The following TRIM67 variants were observed in gnomAD, a reference collection of about 807,000 sequenced individuals.
TRIM67 encodes tripartite motif containing 67.
In TRIM67, 39 loss-of-function variants were observed where a neutral mutation model predicts 71.0. That is an observed-to-expected ratio of 0.55 (90% CI 0.43 to 0.72). The LOEUF is 0.72. Among genes scored for constraint, TRIM67 ranks in the 30% least tolerant of loss-of-function variants. TRIM67 has a pLI of 0.00. For missense variants in TRIM67, 973 were observed against 1,079.2 expected (o/e 0.90, Z 1.38); for synonymous variants, 481 against 473.9 (o/e 1.01, Z -0.19).
intron 1 of TRIM67, among the ~76,000 whole-genome samples, chr1:231,175,487 G>A (rs555818626): frequency 4.7e-4 from 71 of 152,354 alleles, no homozygotes; most frequent in African/African-American, 1.7e-3. Flanking sequence ...ATTACTCACA[G>A]CAACAGCAGG....
rs74143576 is a variant in TRIM67, at chr1:231,183,074, G to C, written c.1045-14297G>C. 2.7e-3 allele frequency among the ~76,000 whole-genome samples: 407 copies of C among 152,324 alleles called. 3 individuals carry two copies. Among genetic ancestry groups the C allele is most frequent in the African/African-American group, 9.0e-3 (376 of 41,564 alleles). ...GGAGCTCGTGGGGAACTCCTAAGCA[G>C]TCAGGATTTTGGGAGTCAGAGTCTG... On this transcript the variant is annotated intron_variant, in intron 1 of 9. Coordinates refer to ENST00000366653, the MANE Select transcript of TRIM67 (RefSeq NM_001004342.5).
chr1:231,200,313 C>A, intron 4 of TRIM67, 55 bp downstream of exon 4: 1 of 1,200,470 alleles, frequency 8.3e-7, no homozygotes, highest in Non-Finnish European at 1.2e-6. Flanking sequence ...TCCCACTGTT[C>A]CCCAAATCAG....
At position 231,208,950 on chromosome 1, in the gene TRIM67, C is replaced by A; in HGVS notation, c.1823C>A (p.Ala608Asp). 1 of 1,574,024 alleles carries A rather than the reference C, an allele frequency of 6.4e-7. No individual in the cohort carries two copies. The highest frequency in any genetic ancestry group is 8.7e-7 in the Non-Finnish European group (1 of 1,153,554). The change falls in exon 8 of 10, where the codon GCC (alanine) becomes GAC (aspartate). Residue 608 changes from alanine (A) to aspartate (D), a missense_variant. Coordinates refer to ENST00000366653, the MANE Select transcript of TRIM67 (RefSeq NM_001004342.5). ...KTVVLQTSDV[A>D]WFTFDPNSGH... ...CTCTCACCTCCTCCCTTTTTAGTGG[C>A]CTGGTTCACATTTGACCCCAACTCT...
chr1:231,174,397 G>A (rs1682693065), intron 1 of TRIM67, among the ~76,000 whole-genome samples: 1 of 151,536 alleles, frequency 6.6e-6, no homozygotes, highest in East Asian at 1.9e-4. Flanking sequence ...CAATCTCCTG[G>A]CCTCAAATGT....
intron 1 of TRIM67, among the ~76,000 whole-genome samples, chr1:231,190,887 G>C (rs112162231): frequency 6.6e-6 from 1 of 152,004 alleles, no homozygotes; most frequent in Non-Finnish European, 1.5e-5. Flanking sequence ...GGGTCTCCAC[G>C]TGCTCACCTC....
intron 1 of TRIM67, among the ~76,000 whole-genome samples, chr1:231,169,584 G>C (rs1195843256): frequency 6.6e-6 from 1 of 151,656 alleles, no homozygotes; most frequent in Non-Finnish European, 1.5e-5. Flanking sequence ...TCTCCATGTT[G>C]GTCAGGCTGG....
chr1:231,188,256 C>T (rs72750751), intron 1 of TRIM67, among the ~76,000 whole-genome samples: 1 of 152,202 alleles, frequency 6.6e-6, no homozygotes, highest in Non-Finnish European at 1.5e-5. Flanking sequence ...GTGTCCCCTG[C>T]AGTGCAGGGA....
chr1:231,208,230 G>A (rs1437744121), intron 7 of TRIM67, among the ~76,000 whole-genome samples: 4 of 150,386 alleles, frequency 2.7e-5, no homozygotes, highest in Non-Finnish European at 4.4e-5. Context: ...CTGGAGTGTA[G>A]TGGCGTGATC....
In TRIM67 at chr1:231,170,058, C is replaced by G. The variant is rs945227757; in HGVS notation, c.1044+6045C>G. Among the ~76,000 whole-genome samples the G allele has an allele frequency of 6.2e-5, 9 of 146,166 alleles. No homozygotes were observed. The South Asian group carries it at 1.9e-3, about 31-fold the overall frequency. Reference sequence around the variant, plus strand: ...CTGGAGTGCAGTGGTGCAATCTCGGCTCACTGCAACCTCCGCCTCCTGGGT... The same window carrying G: ...CTGGAGTGCAGTGGTGCAATCTCGGGTCACTGCAACCTCCGCCTCCTGGGT... On this transcript the variant is annotated intron_variant, in intron 1 of 9. Transcript: ENST00000366653.
At chr1:231,197,506 G>C in intron 2 of TRIM67, 40 bp downstream of exon 2, 1 of 1,586,248 alleles carries the variant, frequency 6.3e-7, no homozygotes, top group Non-Finnish European at 8.7e-7. Context: ...ACTCAGTGTT[G>C]AAAGTTTGCA....
Position 231,215,798 on chromosome 1 carries a change from A to T in TRIM67, c.*358A>T. ...CTTGTCTTTTTTTGGAGGGAGAGGA[A>T]GGTAGACTTTGAGACTGGCCTCCTG... is the stretch of plus-strand genomic sequence containing the variant. On this transcript the variant is annotated 3_prime_UTR_variant, in exon 10 of 10. Transcript: ENST00000366653. The T allele has an allele frequency of 1.9e-6, 2 of 1,053,396 alleles. No homozygotes were observed. The highest frequency in any genetic ancestry group is 2.3e-6 in the Non-Finnish European group (2 of 874,594). The allele number at this position is 1,053,396 out of a possible 1,614,324, so 65.3% of individuals were successfully genotyped here.
chr1:231,164,007 G>A lies in TRIM67; in HGVS notation c.1038G>A (p.Gln346=). ...AGCCGCTGGGGGCCATGTGGAAGCA[G>A]CACAAGGTGAGCCCGCGGGACGCGG... ...EVKPLGAMWK[Q]HKAQLSQALN... The change falls in exon 1 of 10, where the codon CAG becomes CAA. Residue 346 remains glutamine (Q), a synonymous_variant. Transcript: ENST00000366653. 1.3e-6 allele frequency: 2 copies of A among 1,541,760 alleles called. No individual in the cohort carries two copies. Among genetic ancestry groups the A allele is most frequent in the Non-Finnish European group, 1.8e-6 (2 of 1,140,044 alleles).
intron 1 of TRIM67, among the ~76,000 whole-genome samples, chr1:231,188,877 T>C (rs549246347): frequency 7.2e-5 from 11 of 152,314 alleles, no homozygotes; most frequent in Non-Finnish European, 1.5e-4. Context: ...GGCCATCAAG[T>C]CCAGGTTGTG....
chr1:231,192,968 T>G (rs1683272862), intron 1 of TRIM67, among the ~76,000 whole-genome samples: 1 of 152,148 alleles, frequency 6.6e-6, no homozygotes, highest in South Asian at 2.1e-4. Flanking sequence ...TTGGTCTTCT[T>G]GCCAAGCAGG....
chr1:231,196,668 C>A (rs140773005), intron 1 of TRIM67, among the ~76,000 whole-genome samples: 2 of 152,246 alleles, frequency 1.3e-5, no homozygotes, highest in East Asian at 3.9e-4. Flanking sequence ...TACAAAAAAG[C>A]CTGGTGCCAA....
intron 3 of TRIM67, among the ~76,000 whole-genome samples, chr1:231,199,719 A>G (rs944657290): frequency 5.3e-5 from 8 of 152,154 alleles, no homozygotes; most frequent in African/African-American, 1.9e-4. Context: ...TCATAACTGG[A>G]CCAGAAAATA....
chr1:231,187,514 T>C, intron 1 of TRIM67: 1 of 1,514,034 alleles, frequency 6.6e-7, no homozygotes, highest in Non-Finnish European at 8.8e-7. Context: ...AAAAAAACAA[T>C]ACCTTAGCAC....
At chr1:231,191,282 C>T (rs12565682) in intron 1 of TRIM67, among the ~76,000 whole-genome samples, 8,669 of 152,212 alleles carry the variant, frequency 0.057, 436 homozygotes, top group East Asian at 0.24. Context: ...TTAGGCTAGT[C>T]TAGAACTCCT....
chr1:231,202,071 G>A (rs1683542451), intron 5 of TRIM67, among the ~76,000 whole-genome samples: 1 of 123,214 alleles, frequency 8.1e-6, no homozygotes, highest in African/African-American at 3.8e-5. Flanking sequence ...GGAGATGGAG[G>A]AGGAGGAGGT....
Sources: allele counts gnomAD v4.1 joint callset (sites outside exome capture counted in the v4.1 genomes callset), GRCh38; gene constraint gnomAD v4.1.1; transcripts MANE v1.5; gene names NCBI Gene and HGNC (gene_info 2026-07-23, HGNC 2026-07-21).